ITGB3: variants seen among roughly 807,000 people sequenced by gnomAD.
The protein encoded by ITGB3 is integrin subunit beta 3, also known as integrin beta-3.
In ITGB3, 48 loss-of-function variants were observed where a neutral mutation model predicts 85.8. The ratio of observed to expected loss-of-function variants is 0.56; its 90% confidence interval spans 0.44 to 0.71. The LOEUF is 0.71. Among genes scored for constraint, ITGB3 ranks in the 30% least tolerant of loss-of-function variants. ITGB3 has a pLI of 0.00. For missense variants in ITGB3, 861 were observed against 1,019.1 expected, an observed-to-expected ratio of 0.84 and a Z score of 2.11; for synonymous variants, 363 against 395.6, an observed-to-expected ratio of 0.92 and a Z score of 0.98.
chr17:47,281,113 C>G (rs986856104), intron 2 of ITGB3, among the ~76,000 whole-genome samples: 2 of 152,214 alleles, frequency 1.3e-5, no homozygotes, highest in Non-Finnish European at 2.9e-5. Flanking sequence ...ATGGAACTGT[C>G]AGGCATATTG....
chr17:47,269,368 G>A (rs538883142), intron 1 of ITGB3, among the ~76,000 whole-genome samples: 28 of 152,196 alleles, frequency 1.8e-4, no homozygotes, highest in African/African-American at 7.2e-5. Flanking sequence ...TTTTCCACAC[G>A]TTTATGCTCT....
intron 1 of ITGB3, among the ~76,000 whole-genome samples, chr17:47,265,771 C>T (rs1001497221): frequency 3.3e-5 from 5 of 152,064 alleles, no homozygotes; most frequent in Non-Finnish European, 7.4e-5. Flanking sequence ...TGTTAAATAC[C>T]GTACTTAACT....
chr17:47,299,285 C>T lies in ITGB3; in HGVS notation c.1691-23C>T. The T allele has an allele frequency of 6.2e-7, 1 of 1,611,656 alleles. No individual in the cohort carries two copies. The highest frequency in any genetic ancestry group is 8.5e-7 in the Non-Finnish European group (1 of 1,179,158). ...GTGGAGCTCTCGCCAGCGGGTCCAC[C>T]TTCCTGGGCTGTGTGTTTTCAGGCC... is the stretch of plus-strand genomic sequence containing the variant. On this transcript the variant is annotated intron_variant, in intron 10 of 14. Coordinates refer to ENST00000559488, the MANE Select transcript of ITGB3 (RefSeq NM_000212.3). The surrounding 1 kb of genome is among the most constrained non-coding windows in gnomAD (Gnocchi z 5.1).
rs201864102 is a variant in ITGB3, at chr17:47,291,107, G to A, written c.1260+19G>A. ...AGACACGGTGAGGTGGGCTGGGCAGGGCCTTTGTCCTGGAGCATCTGTGGG... is the reference window on the plus strand; with the variant it reads ...AGACACGGTGAGGTGGGCTGGGCAGAGCCTTTGTCCTGGAGCATCTGTGGG... On this transcript the variant is annotated intron_variant, in intron 9 of 14. Transcript: ENST00000559488. 155 of 1,613,848 alleles carry A rather than the reference G, an allele frequency of 9.6e-5. No homozygotes were observed. The East Asian group carries it at 1.9e-3, about 20-fold the overall frequency.
Position 47,292,187 on chromosome 17 carries a change from G to T in ITGB3, c.1309G>T (p.Glu437Ter), listed in dbSNP as rs754250394. 1.2e-6 allele frequency: 2 copies of T among 1,614,202 alleles called. No homozygotes were observed. The highest frequency in any genetic ancestry group is 2.2e-5 in the South Asian group (2 of 91,076). The change falls in exon 10 of 15, where the codon GAG becomes TAG. Residue 437 changes from glutamate (E) to a stop codon, truncating the protein, a stop_gained. Coordinates refer to ENST00000559488, the MANE Select transcript of ITGB3 (RefSeq NM_000212.3). LOFTEE classifies it high-confidence loss of function. ...GGTGCGAGGCTGTCCCCAGGAGAAG[G>T]AGAAGTCCTTTACCATAAAGCCCGT... ...AKVRGCPQEK[E>*]KSFTIKPVGF...
chr17:47,270,138 C>T (rs2065039298), intron 1 of ITGB3, among the ~76,000 whole-genome samples: 1 of 152,252 alleles, frequency 6.6e-6, no homozygotes, highest in Non-Finnish European at 1.5e-5. Context: ...GAGTCCCTCT[C>T]ATGACCTGTG....
intron 1 of ITGB3, among the ~76,000 whole-genome samples, chr17:47,264,204 A>G (rs2065018191): frequency 6.6e-6 from 1 of 152,088 alleles, no homozygotes; most frequent in African/African-American, 2.4e-5. Context: ...TTTTCAGGGA[A>G]CTCAAAGTGG....
At chr17:47,260,023 TAATC>T (rs1225707851) in intron 1 of ITGB3, among the ~76,000 whole-genome samples, 2 of 152,224 alleles carry the variant, frequency 1.3e-5, no homozygotes, top group Non-Finnish European at 2.9e-5. Flanking sequence ...ATGTTCATAT[TAATC>T]AGGTGGTGTG....
At chr17:47,262,308 G>A (rs1000034353) in intron 1 of ITGB3, among the ~76,000 whole-genome samples, 3 of 152,162 alleles carry the variant, frequency 2.0e-5, no homozygotes, top group Non-Finnish European at 4.4e-5. Context: ...CACCAATAGG[G>A]CACCCCTGGG....
chr17:47,301,772 T>C (rs894133360), intron 12 of ITGB3, among the ~76,000 whole-genome samples: 8 of 152,170 alleles, frequency 5.3e-5, no homozygotes, highest in African/African-American at 1.9e-4. Flanking sequence ...AATAGCCTAG[T>C]GAAGTAGAAC....
At chr17:47,258,215 C>T (rs2064997023) in intron 1 of ITGB3, among the ~76,000 whole-genome samples, 1 of 152,210 alleles carries the variant, frequency 6.6e-6, no homozygotes, top group Non-Finnish European at 1.5e-5. Context: ...GCTCCCTCTT[C>T]CTGAACCTTG....
intron 13 of ITGB3, among the ~76,000 whole-genome samples, chr17:47,304,860 G>A (rs2143143569): frequency 1.3e-5 from 2 of 152,222 alleles, no homozygotes; most frequent in East Asian, 3.9e-4. Context: ...TGGCTGCCTT[G>A]GCCTCCTGAA....
At chr17:47,307,334 A>G in intron 13 of ITGB3, 137 bp from the exon 14 acceptor site, 1 of 957,262 alleles carries the variant, frequency 1.0e-6, no homozygotes. Flanking sequence ...TTGTCTCCTT[A>G]AAAAAATTAA....
chr17:47,299,429 C>G lies in ITGB3; in HGVS notation c.1812C>G (p.Arg604=). The part of the protein sequence containing the change: ...MSSNGLLCSG[R]GKCECGSCVC... ...GCAATGGGCTGCTGTGCAGCGGCCGCGGCAAGTGTGAATGTGGCAGCTGTG... is the reference window on the plus strand; with the variant it reads ...GCAATGGGCTGCTGTGCAGCGGCCGGGGCAAGTGTGAATGTGGCAGCTGTG... Residue 604 remains arginine (R), a synonymous_variant, in exon 11 of 15, where the codon CGC becomes CGG. Coordinates refer to ENST00000559488, the MANE Select transcript of ITGB3 (RefSeq NM_000212.3). This position sits in a 1 kb window ranked among gnomAD's most constrained non-coding sequence, Gnocchi z 5.1. 6.2e-7 allele frequency: 1 copy of G among 1,614,252 alleles called. No individual in the cohort carries two copies.
chr17:47,260,690 G>A (rs1294999642), intron 1 of ITGB3, among the ~76,000 whole-genome samples: 1 of 152,176 alleles, frequency 6.6e-6, no homozygotes, highest in Admixed American at 6.5e-5. Context: ...CCCCAGTGGA[G>A]GGGAGGGTGG....
intron 13 of ITGB3, among the ~76,000 whole-genome samples, chr17:47,305,086 T>C (rs2065182476): frequency 6.6e-6 from 1 of 152,164 alleles, no homozygotes; most frequent in African/African-American, 2.4e-5. Context: ...GGTTAACAGA[T>C]TGTTTTCCCC....
At chr17:47,263,239 C>A (rs980436897) in intron 1 of ITGB3, among the ~76,000 whole-genome samples, 1 of 152,144 alleles carries the variant, frequency 6.6e-6, no homozygotes, top group Admixed American at 6.5e-5. Flanking sequence ...TAGACCACAA[C>A]CTTAGAGAAG....
chr17:47,298,420 T>C (rs2065153790), intron 10 of ITGB3, among the ~76,000 whole-genome samples: 1 of 152,218 alleles, frequency 6.6e-6, no homozygotes, highest in Non-Finnish European at 1.5e-5. Context: ...TTGGCTCCGT[T>C]GGCCAACTCC....
rs70940817 is a variant in ITGB3 at position 47,300,524 on chromosome 17, G to A, written c.1960G>A (p.Glu654Lys). 289 of 1,614,096 alleles carry A rather than the reference G, an allele frequency of 1.8e-4. 1 individual carries two copies. The East Asian group carries it at 5.6e-3, about 31-fold the overall frequency. ...KKFDRGALHD[E>K]NTCNRYCRDE... ...GTTTGACCGGGGAGCCCTACATGAC[G>A]AAAATACCTGCAACCGTTACTGCCG... is the stretch of plus-strand genomic sequence containing the variant. Residue 654 changes from glutamate (E) to lysine (K), a missense_variant, in exon 12 of 15, where the codon GAA (glutamate) becomes AAA (lysine). Coordinates refer to ENST00000559488, the MANE Select transcript of ITGB3 (RefSeq NM_000212.3).
Sources: allele counts gnomAD v4.1 joint callset (sites outside exome capture counted in the v4.1 genomes callset), GRCh38; gene constraint gnomAD v4.1.1; non-coding constraint Gnocchi (gnomAD v3.1); transcripts MANE v1.5; gene names NCBI Gene and HGNC (gene_info 2026-07-23, HGNC 2026-07-21).